FSIP2: variants seen among roughly 807,000 people sequenced by gnomAD.
The protein encoded by FSIP2 is fibrous sheath-interacting protein 2.
A neutral mutation model predicts 510.5 loss-of-function variants in FSIP2; 367 were observed. The observed-to-expected ratio is 0.72, with a 90% CI of 0.66 to 0.78. The LOEUF (loss-of-function observed/expected upper bound fraction) is 0.78, where lower values mean the gene tolerates loss of function less well. Ranked by LOEUF, FSIP2 falls within the 30% of genes least tolerant of loss-of-function variation. FSIP2 has a pLI of 0.00. For missense variants in FSIP2, 7,594 were observed against 7,901.7 expected (o/e 0.96, Z 1.48); for synonymous variants, 2,601 against 2,732.2 (o/e 0.95, Z 1.50).
At chr2:185,763,377 A>C (rs1692394911) in intron 12 of FSIP2, 88 bp downstream of exon 12, 2 of 688,958 alleles carry the variant, frequency 2.9e-6, no homozygotes. Flanking sequence ...GTCATGATTT[A>C]TGTAACCATA....
In FSIP2 at chr2:185,815,806, A is replaced by G. The variant is rs531097217; in HGVS notation, c.20426+335A>G. On this transcript the variant is annotated intron_variant, in intron 19 of 22. Coordinates refer to ENST00000424728, the MANE Select transcript of FSIP2 (RefSeq NM_173651.4). ...GAAATGAAATATGCAGTATCAGTACAAAAGTGTTCATGCTTAGCTCTCTTA... is the reference window on the plus strand; with the variant it reads ...GAAATGAAATATGCAGTATCAGTACGAAAGTGTTCATGCTTAGCTCTCTTA... Among the ~76,000 whole-genome samples the G allele has an allele frequency of 2.6e-5, 4 of 152,196 alleles. No homozygotes were observed. In the South Asian group the frequency reaches 8.3e-4, roughly 31 times the overall value.
intron 22 of FSIP2, among the ~76,000 whole-genome samples, 160 bp from the exon 23 acceptor site, chr2:185,832,930 A>C (rs1402055564): frequency 6.6e-6 from 1 of 151,988 alleles, no homozygotes; most frequent in Non-Finnish European, 1.5e-5. Flanking sequence ...GTGACTAAAG[A>C]AGCCTCATAG....
At position 185,800,109 on chromosome 2, in the gene FSIP2, T is replaced by C. The variant is rs1190340231; in HGVS notation, c.10803T>C (p.Asp3601=). 2 of 1,534,140 alleles carry C rather than the reference T, an allele frequency of 1.3e-6. No homozygotes were observed. Among genetic ancestry groups the C allele is most frequent in the South Asian group, 2.4e-5 (2 of 84,004 alleles). The change falls in exon 17 of 23, where the codon GAT becomes GAC. Residue 3601 remains aspartate, a synonymous_variant. Transcript: ENST00000424728. ...CAGGAATAGTTTCTGGTGGCTTTGA[T>C]GACCTCTTTCAGGATCTCTTAGTAG... ...YCPGIVSGGF[D]DLFQDLLVGV...
rs1180625380 is a variant in FSIP2, at chr2:185,802,855, G to A, written c.13549G>A (p.Val4517Ile). ...CCTAGTTAGTGATATTAGGATGAAA[G>A]TTTCCCAACATGAAATTCGATTTTC... is the stretch of plus-strand genomic sequence containing the variant. ...SNLVSDIRMK[V>I]SQHEIRFSKE... Residue 4517 changes from valine to isoleucine, a missense_variant, in exon 17 of 23, where the codon GTT becomes ATT. By Grantham distance (29) the Val-to-Ile change is conservative (BLOSUM62 3). Transcript: ENST00000424728. The A allele has an allele frequency of 4.0e-6, 6 of 1,506,678 alleles. No homozygotes were observed. Among genetic ancestry groups the A allele is most frequent in the Admixed American group, 4.5e-5 (2 of 44,266 alleles). 93.3% of individuals were successfully genotyped at this position (1,506,678 alleles called of 1,614,324 possible).
chr2:185,807,914 A>AATC lies in FSIP2; in HGVS notation c.18609_18611dup (p.Ser6204dup). Reference sequence around the variant, plus strand: ...CCAAAAGTACATAAAGAAAGAACAAAATCTCTAGAGACTGATATGCAAAAA... The same window carrying AATC: ...CCAAAAGTACATAAAGAAAGAACAAAATCATCTCTAGAGACTGATATGCAAAAA... On this transcript the variant is annotated inframe_insertion, in exon 17 of 23. Coordinates refer to ENST00000424728, the MANE Select transcript of FSIP2 (RefSeq NM_173651.4). The AATC allele has an allele frequency of 6.2e-7, 1 of 1,602,080 alleles. No homozygotes were observed. Among genetic ancestry groups the AATC allele is most frequent in the Non-Finnish European group, 8.5e-7 (1 of 1,175,942 alleles).
At position 185,802,566 on chromosome 2, in the gene FSIP2, A is replaced by C. The variant is rs1164313287; in HGVS notation, c.13260A>C (p.Pro4420=). The C allele has an allele frequency of 6.5e-7, 1 of 1,529,604 alleles. No homozygotes were observed. Among genetic ancestry groups the C allele is most frequent in the East Asian group, 2.5e-5 (1 of 40,814 alleles). 94.8% of individuals were successfully genotyped at this position (1,529,604 alleles called of 1,614,324 possible). The part of the protein sequence containing the change: ...VAAISDYLLH[P]LFSGDFSAST... ...CTATTTCAGATTACCTTCTTCATCC[A>C]CTGTTTTCTGGGGATTTTTCAGCTT... The change falls in exon 17 of 23, where the codon CCA becomes CCC. Residue 4420 remains proline, a synonymous_variant. Coordinates refer to ENST00000424728, the MANE Select transcript of FSIP2 (RefSeq NM_173651.4).
At chr2:185,776,828 G>C (rs112419902) in intron 13 of FSIP2, among the ~76,000 whole-genome samples, 1 of 151,534 alleles carries the variant, frequency 6.6e-6, no homozygotes, top group Non-Finnish European at 1.5e-5. Flanking sequence ...TCCGCCTCCC[G>C]GGTTCAAGTG....
chr2:185,804,104 A>T lies in FSIP2; in HGVS notation c.14798A>T (p.Asp4933Val). The change falls in exon 17 of 23, where the codon GAT becomes GTT. Residue 4933 changes from aspartate (D) to valine (V), a missense_variant. Physicochemically the swap from Asp to Val is radical, Grantham distance 152. Coordinates refer to ENST00000424728, the MANE Select transcript of FSIP2 (RefSeq NM_173651.4). ...CAAACTTATAAATTGAAAGCAATAG[A>T]TCCTAAACAAAGAGAATTATCTTTT... ...VDQTYKLKAI[D>V]PKQRELSFIV... is the part of the protein sequence containing the mutation. 6.6e-7 allele frequency: 1 copy of T among 1,526,596 alleles called. No homozygotes were observed. Among genetic ancestry groups the T allele is most frequent in the East Asian group, 2.5e-5 (1 of 40,682 alleles). 94.6% of individuals were successfully genotyped at this position (1,526,596 alleles called of 1,614,324 possible). A position where few individuals can be genotyped will look rare whatever the true frequency, so the allele number is the denominator to read the frequency against.
chr2:185,820,587 C>G (rs919445600), intron 19 of FSIP2, among the ~76,000 whole-genome samples: 2 of 151,252 alleles, frequency 1.3e-5, no homozygotes, highest in African/African-American at 2.4e-5. Context: ...TCTTAGGCCA[C>G]AAAATGAGTC....
Position 185,792,399 on chromosome 2 carries a change from C to T in FSIP2, c.5263C>T (p.Gln1755Ter). 1.3e-6 allele frequency: 2 copies of T among 1,533,816 alleles called. No homozygotes were observed. The highest frequency in any genetic ancestry group is 1.4e-5 in the African/African-American group (1 of 72,980). ...AGAAGTGAAAACACGTTCTCTTAAA[C>T]AATGGGCTCTCGAAAAAACCTTAAA... ...REEVKTRSLK[Q>*]WALEKTLNKI... Residue 1755 changes from glutamine to a stop codon, truncating the protein, a stop_gained, in exon 16 of 23, where the codon CAA becomes TAA. Transcript: ENST00000424728. LOFTEE classifies it high-confidence loss of function.
chr2:185,803,493 A>C lies in FSIP2; in HGVS notation c.14187A>C (p.Arg4729Ser). The C allele has an allele frequency of 6.5e-7, 1 of 1,531,074 alleles. No homozygotes were observed. The highest frequency in any genetic ancestry group is 8.7e-7 in the Non-Finnish European group (1 of 1,144,326). The allele number at this position is 1,531,074 out of a possible 1,614,324, so 94.8% of individuals were successfully genotyped here. The part of the protein sequence containing the change: ...FLNDTKTLAA[R>S]ITNIILAEIF... ...ATGACACAAAGACATTGGCTGCAAGAATAACTAATATCATCCTGGCTGAAA... is the reference window on the plus strand; with the variant it reads ...ATGACACAAAGACATTGGCTGCAAGCATAACTAATATCATCCTGGCTGAAA... Residue 4729 changes from arginine to serine, a missense_variant, in exon 17 of 23, where the codon AGA (arginine) becomes AGC (serine). By Grantham distance (110) the Arg-to-Ser change is moderately radical (BLOSUM62 -1). Coordinates refer to ENST00000424728, the MANE Select transcript of FSIP2 (RefSeq NM_173651.4).
rs564018154 is a variant in FSIP2 at position 185,807,952 on chromosome 2, G to C, written c.18646G>C (p.Val6216Leu). 5.0e-6 allele frequency: 8 copies of C among 1,608,224 alleles called. No homozygotes were observed. The highest frequency in any genetic ancestry group is 6.8e-6 in the Non-Finnish European group (8 of 1,177,710). The change falls in exon 17 of 23, where the codon GTA becomes CTA. Residue 6216 changes from valine (V) to leucine (L), a missense_variant. Transcript: ENST00000424728. The part of the protein sequence containing the change: ...ETDMQKITSK[V>L]LNSVQEFISK... The stretch of plus-strand genomic sequence containing the variant: ...TGATATGCAAAAAATAACTTCAAAA[G>C]TACTAAATTCAGTCCAAGAATTTAT...
At chr2:185,824,795 C>A (rs1275459605) in intron 20 of FSIP2, among the ~76,000 whole-genome samples, 1 of 151,744 alleles carries the variant, frequency 6.6e-6, no homozygotes, top group Non-Finnish European at 1.5e-5. Context: ...TGAGCCAGAA[C>A]CCATGCTACT....
chr2:185,833,276 G>C lies in FSIP2; in HGVS notation c.*50G>C. On this transcript the variant is annotated 3_prime_UTR_variant, in exon 23 of 23. Transcript: ENST00000424728. ...GCTTACTTCTTTTAGAAAATAAAAT[G>C]GTTTTTAAAGCATAGTATAGCGTCT... 1 of 1,469,144 alleles carries C rather than the reference G, an allele frequency of 6.8e-7. No homozygotes were observed. The highest frequency in any genetic ancestry group is 2.1e-5 in the Admixed American group (1 of 48,618). The allele number at this position is 1,469,144 out of a possible 1,614,324, so 91.0% of individuals were successfully genotyped here. A position where few individuals can be genotyped will look rare whatever the true frequency, so the allele number is the denominator to read the frequency against.
In FSIP2 at chr2:185,738,955, G is replaced by A. The variant is rs1691859049; in HGVS notation, c.61G>A (p.Ala21Thr). 2.0e-6 allele frequency: 3 copies of A among 1,533,896 alleles called. No homozygotes were observed. The African/African-American group carries it at 4.1e-5, about 21-fold the overall frequency. The change falls in exon 1 of 23, where the codon GCC becomes ACC. Residue 21 changes from alanine (A) to threonine (T), a missense_variant. Coordinates refer to ENST00000424728, the MANE Select transcript of FSIP2 (RefSeq NM_173651.4). ...CAAAGTCGCCGTCACCAAGACGGTC[G>A]CCAGCGTCCTGGCCGCGGACACCCA... Reference protein sequence around the residue: ...PAKVAVTKTVASVLAADTQQC... With the variant: ...PAKVAVTKTVTSVLAADTQQC...
chr2:185,813,491 T>C lies in FSIP2; in HGVS notation c.19828-54T>C, dbSNP rs769110215. 10 of 1,166,056 alleles carry C rather than the reference T, an allele frequency of 8.6e-6. No individual in the cohort carries two copies. The South Asian group carries it at 9.1e-5, about 11-fold the overall frequency. The allele number at this position is 1,166,056 out of a possible 1,614,324, so 72.2% of individuals were successfully genotyped here. A position where few individuals can be genotyped will look rare whatever the true frequency, so the allele number is the denominator to read the frequency against. ...AAATAGCTACATCATAATTGAACTATAGGAAAGTGATTTAGGCATTTGATT... is the reference window on the plus strand; with the variant it reads ...AAATAGCTACATCATAATTGAACTACAGGAAAGTGATTTAGGCATTTGATT... On this transcript the variant is annotated intron_variant, in intron 17 of 22. Transcript: ENST00000424728.
intron 7 of FSIP2, among the ~76,000 whole-genome samples, chr2:185,749,685 A>T (rs1692104718): frequency 1.3e-5 from 2 of 151,812 alleles, no homozygotes; most frequent in South Asian, 2.1e-4. Flanking sequence ...ATAGAAGCAG[A>T]CATACTAGCT....
Position 185,795,348 on chromosome 2 carries a change from T to C in FSIP2, c.8212T>C (p.Tyr2738His). ...TKLPTSELKIYAKDIIINILE... is the reference protein window; with the variant it reads ...TKLPTSELKIHAKDIIINILE... ...ATTGCCCACTTCAGAACTAAAAATA[T>C]ATGCCAAGGATATAATAATTAACAT... is the stretch of plus-strand genomic sequence containing the variant. The change falls in exon 16 of 23, where the codon TAT becomes CAT. Residue 2738 changes from tyrosine to histidine, a missense_variant. Tyr to His is a moderately conservative substitution (Grantham distance 83, BLOSUM62 2). Transcript: ENST00000424728. The C allele has an allele frequency of 2.0e-6, 3 of 1,534,836 alleles. No individual in the cohort carries two copies. Among genetic ancestry groups the C allele is most frequent in the Non-Finnish European group, 2.6e-6 (3 of 1,146,162 alleles).
At position 185,813,682 on chromosome 2, in the gene FSIP2, T is replaced by C. The variant is rs1243163602; in HGVS notation, c.19965T>C (p.Asn6655=). The stretch of plus-strand genomic sequence containing the variant: ...ATATTGATCAAGTGTATTTGGAAAA[T>C]TACATAAAAGAGGAACGAGATTCTG... ...AHDIDQVYLE[N]YIKEERDSDE... Residue 6655 remains asparagine (N), a synonymous_variant, in exon 18 of 23, where the codon AAT becomes AAC. Transcript: ENST00000424728. 2.5e-6 allele frequency: 4 copies of C among 1,609,140 alleles called. No individual in the cohort carries two copies. The African/African-American group carries it at 5.4e-5, about 22-fold the overall frequency.
Sources: gnomAD v4.1 joint callset for allele counts (sites outside exome capture counted in the v4.1 genomes callset) on GRCh38, gnomAD v4.1.1 for gene constraint, MANE v1.5 for transcripts, NCBI Gene and HGNC (gene_info 2026-07-23, HGNC 2026-07-21) for gene names.